The following FAHD1 variants were observed in gnomAD, a reference collection of about 807,000 sequenced individuals.
FAHD1 encodes oxaloacetate tautomerase FAHD1, mitochondrial.
A neutral mutation model predicts 12.7 loss-of-function variants in FAHD1; 14 were observed. The ratio of observed to expected loss-of-function variants is 1.10; its 90% CI spans 0.73 to 1.72. The LOEUF (loss-of-function observed/expected upper bound fraction) is 1.72. FAHD1 is among the 40% of genes most tolerant of loss of function. The pLI is 0.00. For synonymous variants in FAHD1, 153 were observed against 124.9 expected (o/e 1.22, Z -1.50); for missense variants, 351 against 298.9 (o/e 1.17, Z -1.29).
chr16:1,839,530 G>A (rs578090025), exon 3 of FAHD1: 15 of 1,194,860 alleles, frequency 1.3e-5, no homozygotes, highest in East Asian at 2.5e-5. Context: ...AAAACTCTAC[G>A]ACAGTGTGTG....
intron 1 of FAHD1, among the ~76,000 whole-genome samples, chr16:1,836,295 A>C (rs958733843): frequency 6.6e-6 from 1 of 152,182 alleles, no homozygotes; most frequent in Non-Finnish European, 1.5e-5. Context: ...AGCCACCTGG[A>C]ACATCTGTTA....
At chr16:1,828,700 C>T in exon 1 of FAHD1, 1 of 918,054 alleles carries the variant, frequency 1.1e-6, no homozygotes, top group Non-Finnish European at 1.3e-6. Context: ...TCCAGTGAAG[C>T]TGTGTTTACA....
Position 1,828,442 on chromosome 16 carries a change from T to C in FAHD1, c.*538T>C, listed in dbSNP as rs144837050. On this transcript the variant is annotated 3_prime_UTR_variant, in exon 1 of 1. Transcript: ENST00000427358. ...TCGGAAAACATTTTATCAAACCAAA[T>C]GTTAAAAAGACTTTCCTTTTGTAAA... 11 of 1,001,164 alleles carry C rather than the reference T, an allele frequency of 1.1e-5. No individual in the cohort carries two copies. In the African/African-American group the frequency reaches 1.4e-4, roughly 13 times the overall value. The allele number at this position is 1,001,164 out of a possible 1,614,324, so 62.0% of individuals were successfully genotyped here.
exon 2 of FAHD1, chr16:1,838,088 C>G (rs756466372): frequency 3.1e-5 from 25 of 817,784 alleles, no homozygotes; most frequent in Non-Finnish European, 4.6e-5. Context: ...CCTCGAACTC[C>G]CGGGGTCAAG....
downstream of FAHD1, among the ~76,000 whole-genome samples, chr16:1,831,942 A>T (rs538734155): frequency 1.3e-5 from 2 of 152,212 alleles, no homozygotes; most frequent in Non-Finnish European, 1.5e-5. Flanking sequence ...TCTTCCACCA[A>T]ACCATTCCCA....
chr16:1,839,213 C>A, intron 2 of FAHD1: 1 of 1,506,104 alleles, frequency 6.6e-7, no homozygotes. Context: ...AAAGCATTCA[C>A]TTTGGAAATA....
rs778302216 is a variant in FAHD1, at chr16:1,827,550, C to G, written c.312C>G (p.Asp104Glu). The G allele has an allele frequency of 2.5e-6, 4 of 1,613,208 alleles. No homozygotes were observed. The highest frequency in any genetic ancestry group is 3.4e-6 in the Non-Finnish European group (4 of 1,179,986). ...TGTGCCTGGATATGACCGCCCGGGA[C>G]GTGCAGGACGAGTGCAAGAAGAAGG... The change falls in exon 1 of 1, where the codon GAC (aspartate) becomes GAG (glutamate). Residue 104 changes from aspartate (D) to glutamate (E), a missense_variant. Physicochemically the swap from Asp to Glu is conservative, Grantham distance 45 (BLOSUM62 2). Transcript: ENST00000427358.
exon 1 of FAHD1, chr16:1,827,872 A>T (rs1898532253): frequency 2.5e-6 from 4 of 1,613,850 alleles, no homozygotes; most frequent in East Asian, 2.2e-5. Flanking sequence ...GCTGGTCAGT[A>T]TGACATTTAA....
At chr16:1,839,593 A>G (rs1898845690) in exon 3 of FAHD1, 1 of 616,890 alleles carries the variant, frequency 1.6e-6, no homozygotes. Flanking sequence ...GTCGTAAAAA[A>G]CAGTAAAACA....
chr16:1,828,946 T>A (rs566571759), downstream of FAHD1: 8 of 998,128 alleles, frequency 8.0e-6, no homozygotes, highest in African/African-American at 1.4e-4. Flanking sequence ...CCCCCAGTAA[T>A]GACGAGGAGG....
downstream of FAHD1, among the ~76,000 whole-genome samples, chr16:1,829,264 G>T (rs530656856): frequency 2.0e-5 from 3 of 152,190 alleles, no homozygotes; most frequent in African/African-American, 7.2e-5. Context: ...ATCTGATTGA[G>T]TAGTAACGGT....
intron 1 of FAHD1, among the ~76,000 whole-genome samples, chr16:1,835,556 A>G (rs187824015): frequency 1.8e-4 from 28 of 152,348 alleles, no homozygotes; most frequent in Admixed American, 1.8e-3. Context: ...TAAGTGGGCA[A>G]TAACAATAAG....
chr16:1,828,009 C>T (rs879758677), exon 1 of FAHD1: 32 of 1,503,078 alleles, frequency 2.1e-5, no homozygotes, highest in Non-Finnish European at 2.7e-5. Context: ...TGGCCGGACG[C>T]GGTGGCTCAC....
chr16:1,839,267 A>T (rs1898833861), exon 3 of FAHD1: 1 of 1,606,934 alleles, frequency 6.2e-7, no homozygotes, highest in Non-Finnish European at 8.5e-7. Flanking sequence ...TGCAGCCCAA[A>T]GTCTCCTCAG....
At chr16:1,835,751 T>G (rs1044257442) in intron 1 of FAHD1, among the ~76,000 whole-genome samples, 3 of 152,174 alleles carry the variant, frequency 2.0e-5, no homozygotes, top group Non-Finnish European at 4.4e-5. Flanking sequence ...TCTGTCTGAG[T>G]GAAGATGCAC....
chr16:1,830,154 T>C (rs238681), downstream of FAHD1, among the ~76,000 whole-genome samples: 151,969 of 152,382 alleles, frequency 1, 75,779 homozygotes, highest in Middle Eastern at 1. Context: ...TGAGCCACCG[T>C]GCCCAGCTAT....
downstream of FAHD1, among the ~76,000 whole-genome samples, chr16:1,833,360 A>T (rs2142068150): frequency 6.6e-6 from 1 of 152,140 alleles, no homozygotes; most frequent in South Asian, 2.1e-4. Context: ...AGCCTCCACA[A>T]GCACTGGGCA....
exon 1 of FAHD1, chr16:1,827,234 G>A (rs1898487586): frequency 6.3e-7 from 1 of 1,599,824 alleles, no homozygotes; most frequent in Non-Finnish European, 8.6e-7. Context: ...CACTTGATGG[G>A]AATCATGGCA....
exon 3 of FAHD1, chr16:1,839,273 C>T: frequency 6.2e-7 from 1 of 1,610,984 alleles, no homozygotes. Flanking sequence ...CCAAAGTCTC[C>T]TCAGCAACAC....
Sources: allele counts gnomAD v4.1 joint callset (sites outside exome capture counted in the v4.1 genomes callset), GRCh38; gene constraint gnomAD v4.1.1; transcripts MANE v1.5; gene names NCBI Gene and HGNC (gene_info 2026-07-23, HGNC 2026-07-21).